CCSER1: variants seen among roughly 807,000 people sequenced by gnomAD.
The protein encoded by CCSER1 is serine-rich coiled-coil domain-containing protein 1.
A neutral mutation model predicts 82.0 loss-of-function variants in CCSER1; 41 were observed. That is an observed-to-expected ratio of 0.50 (90% CI 0.39 to 0.65). CCSER1 has a LOEUF of 0.65. Ranked by LOEUF, CCSER1 falls within the 30% of genes least tolerant of loss-of-function variation. CCSER1 has a pLI of 0.00. For missense variants in CCSER1, 1,119 were observed against 1,064.2 expected (o/e 1.05, Z -0.72); for synonymous variants, 414 against 383.9 (o/e 1.08, Z -0.92).
At chr4:90,864,089 A>G (rs923600837) in intron 8 of CCSER1, among the ~76,000 whole-genome samples, 1 of 150,718 alleles carries the variant, frequency 6.6e-6, no homozygotes, top group Non-Finnish European at 1.5e-5. Flanking sequence ...TTCCATGTCA[A>G]CTTGCTCACT....
intron 10 of CCSER1, among the ~76,000 whole-genome samples, chr4:91,174,457 T>A (rs901593512): frequency 2.6e-4 from 40 of 152,110 alleles, no homozygotes; most frequent in Non-Finnish European, 1.3e-4. Flanking sequence ...TTTTAATTTT[T>A]ATTTTACTAT....
At chr4:90,303,062 CAT>C (rs1733488920) in intron 1 of CCSER1, among the ~76,000 whole-genome samples, 1 of 152,082 alleles carries the variant, frequency 6.6e-6, no homozygotes, top group Non-Finnish European at 1.5e-5. Flanking sequence ...AAATAAAAGA[CAT>C]GTGAAGGATA....
intron 10 of CCSER1, among the ~76,000 whole-genome samples, chr4:91,116,086 A>G (rs1326374975): frequency 1.3e-5 from 2 of 151,856 alleles, no homozygotes; most frequent in Admixed American, 6.6e-5. Flanking sequence ...GTTCCCACCT[A>G]TGAGTGAGAA....
intron 3 of CCSER1, among the ~76,000 whole-genome samples, chr4:90,317,255 C>A (rs1243474952): frequency 6.6e-6 from 1 of 152,004 alleles, no homozygotes; most frequent in South Asian, 2.1e-4. Context: ...ATACAGAAGA[C>A]CTGGTACCGT....
chr4:90,263,588 C>A (rs1424791519), intron 1 of CCSER1, among the ~76,000 whole-genome samples: 4 of 152,120 alleles, frequency 2.6e-5, no homozygotes, highest in African/African-American at 9.7e-5. Context: ...TTTCTTTTTC[C>A]TGGGCACAGA....
intron 9 of CCSER1, among the ~76,000 whole-genome samples, chr4:91,064,085 T>G (rs926832323): frequency 4.6e-5 from 7 of 152,214 alleles, no homozygotes; most frequent in African/African-American, 7.2e-5. Context: ...ATGCCATTGC[T>G]GTGAACAAGT....
intron 10 of CCSER1, among the ~76,000 whole-genome samples, chr4:91,466,216 C>T (rs1054882642): frequency 3.3e-5 from 5 of 152,074 alleles, no homozygotes; most frequent in South Asian, 2.1e-4. Flanking sequence ...AATCAGTAAA[C>T]GTAATCCATC....
At chr4:90,289,008 C>T (rs778945048) in intron 1 of CCSER1, among the ~76,000 whole-genome samples, 6 of 151,772 alleles carry the variant, frequency 4.0e-5, no homozygotes, top group Non-Finnish European at 8.8e-5. Context: ...TTCTGGTGAG[C>T]CATTCTCCCC....
chr4:90,700,970 A>C (rs893340153), intron 6 of CCSER1, among the ~76,000 whole-genome samples: 2 of 152,142 alleles, frequency 1.3e-5, no homozygotes, highest in Non-Finnish European at 2.9e-5. Context: ...TTTGCTGTGC[A>C]GAAGCTCTTT....
At chr4:90,360,370 T>A (rs1229467885) in intron 3 of CCSER1, among the ~76,000 whole-genome samples, 2 of 144,828 alleles carry the variant, frequency 1.4e-5, no homozygotes, top group African/African-American at 2.5e-5. Context: ...CTACTAAAAA[T>A]AAAAAAAAAA....
intron 10 of CCSER1, among the ~76,000 whole-genome samples, chr4:91,381,744 G>T (rs373314753): frequency 2.0e-5 from 3 of 152,146 alleles, no homozygotes; most frequent in South Asian, 2.1e-4. Flanking sequence ...CTCTCAACTC[G>T]TCAAAGTCAT....
intron 4 of CCSER1, among the ~76,000 whole-genome samples, chr4:90,430,958 C>G (rs1468283848): frequency 2.6e-5 from 4 of 151,762 alleles, no homozygotes; most frequent in Admixed American, 1.3e-4. Flanking sequence ...GAACAGAACC[C>G]TTTGAGCTAA....
intron 3 of CCSER1, among the ~76,000 whole-genome samples, chr4:90,318,974 G>A (rs955841248): frequency 6.6e-6 from 1 of 152,150 alleles, no homozygotes; most frequent in Admixed American, 6.5e-5. Flanking sequence ...AATGGGTGGG[G>A]CATGCTTCAT....
intron 1 of CCSER1, among the ~76,000 whole-genome samples, chr4:90,286,346 A>G (rs182591190): frequency 1.6e-4 from 24 of 152,114 alleles, no homozygotes; most frequent in African/African-American, 5.5e-4. Flanking sequence ...AATATTTTGC[A>G]ATTTTATTGT....
intron 9 of CCSER1, among the ~76,000 whole-genome samples, chr4:91,067,967 C>A (rs1721012856): frequency 6.6e-6 from 1 of 152,128 alleles, no homozygotes; most frequent in African/African-American, 2.4e-5. Flanking sequence ...ATCTTCTTGA[C>A]TGGTACATCC....
At chr4:90,309,667 C>T (rs1018411027) in intron 2 of CCSER1, 59 bp downstream of exon 2, 1 of 1,310,568 alleles carries the variant, frequency 7.6e-7, no homozygotes, top group Non-Finnish European at 1.0e-6. Flanking sequence ...ATACTTTATT[C>T]AGTTTTCTTA....
chr4:91,318,253 G>C (rs1213011444), intron 10 of CCSER1, among the ~76,000 whole-genome samples: 1 of 151,918 alleles, frequency 6.6e-6, no homozygotes, highest in Non-Finnish European at 1.5e-5. Flanking sequence ...GAGAAGTTTA[G>C]GCGGTCACTG....
At chr4:91,492,679 G>T (rs1489157796) in intron 10 of CCSER1, among the ~76,000 whole-genome samples, 1 of 152,004 alleles carries the variant, frequency 6.6e-6, no homozygotes, top group Admixed American at 6.6e-5. Context: ...AAATGTTTAT[G>T]GATTTACAGA....
intron 3 of CCSER1, among the ~76,000 whole-genome samples, chr4:90,320,023 C>G (rs1202123323): frequency 6.6e-6 from 1 of 152,166 alleles, no homozygotes; most frequent in South Asian, 2.1e-4. Flanking sequence ...ATTTGTTTTT[C>G]CAGTTACTAA....
Sources: gnomAD v4.1 joint callset for allele counts (sites outside exome capture counted in the v4.1 genomes callset) on GRCh38, gnomAD v4.1.1 for gene constraint, MANE v1.5 for transcripts, NCBI Gene and HGNC (gene_info 2026-07-23, HGNC 2026-07-21) for gene names.